The following FRMD4B variants were observed in gnomAD, a reference collection of about 807,000 sequenced individuals.
FRMD4B encodes the protein FERM domain containing 4B, also known as FERM domain-containing protein 4B.
FRMD4B carries 74 observed loss-of-function variants against 141.5 expected under a neutral mutation model. The observed-to-expected ratio is 0.52, with a 90% CI of 0.43 to 0.63. The LOEUF is 0.63. FRMD4B is among the 30% of genes least tolerant of loss of function. FRMD4B has a pLI of 0.00. For synonymous variants in FRMD4B, 506 were observed against 467.9 expected (o/e 1.08, Z -1.05); for missense variants, 1,366 against 1,253.4 (o/e 1.09, Z -1.36).
At chr3:69,460,059 TTC>T (rs760768411) in intron 1 of FRMD4B, among the ~76,000 whole-genome samples, 17 of 152,308 alleles carry the variant, frequency 1.1e-4, no homozygotes, top group Middle Eastern at 3.4e-3. Context: ...GAATAAATGA[TTC>T]TCTGTCAGCA....
At chr3:69,476,366 G>C (rs187318096) in intron 1 of FRMD4B, among the ~76,000 whole-genome samples, 1 of 152,210 alleles carries the variant, frequency 6.6e-6, no homozygotes, top group East Asian at 1.9e-4. Context: ...ATTCCATCTT[G>C]AATTAATTTT....
chr3:69,215,282 C>CTTTTTTTTTTTTTTT lies in FRMD4B; in HGVS notation c.876+980_876+981insAAAAAAAAAAAAAAA, dbSNP rs1559724064. ...AATCCAAATCTGATAGATTGTGACC[C>CTTTTTTTTTTTTTTT]TCTTTTTTTTTTTTTTTTTTTTTTT... is the stretch of plus-strand genomic sequence containing the variant. On this transcript the variant is annotated intron_variant, in intron 11 of 22. Transcript: ENST00000398540. Among the ~76,000 whole-genome samples, 19 of 37,488 alleles carry CTTTTTTTTTTTTTTT rather than the reference C, an allele frequency of 5.1e-4. No homozygotes were observed. In the East Asian group the frequency reaches 5.5e-3, roughly 11 times the overall value. The allele number at this position is 37,488 out of a possible 152,430, so 24.6% of individuals were successfully genotyped here. A position where few individuals can be genotyped will look rare whatever the true frequency, so the allele number is the denominator to read the frequency against.
chr3:69,513,855 C>T (rs963636319), intron 1 of FRMD4B, among the ~76,000 whole-genome samples: 4 of 152,020 alleles, frequency 2.6e-5, no homozygotes, highest in Non-Finnish European at 5.9e-5. Context: ...AGATTAAACA[C>T]CCTTTTATGA....
chr3:69,527,582 A>G (rs1036818110), intron 1 of FRMD4B, among the ~76,000 whole-genome samples: 2 of 152,216 alleles, frequency 1.3e-5, no homozygotes, highest in South Asian at 4.1e-4. Flanking sequence ...TTCCACCTTT[A>G]TATTTGGGAT....
chr3:69,215,282 C>CTTTGTTTTTTTT (rs1559724064), intron 11 of FRMD4B, among the ~76,000 whole-genome samples: 3 of 37,472 alleles, frequency 8.0e-5, no homozygotes, highest in Admixed American at 3.7e-4. Context: ...GATTGTGACC[C>CTTTGTTTTTTTT]TCTTTTTTTT....
intron 1 of FRMD4B, among the ~76,000 whole-genome samples, chr3:69,505,402 G>T (rs1472474075): frequency 6.6e-6 from 1 of 151,486 alleles, no homozygotes; most frequent in South Asian, 2.1e-4. Flanking sequence ...AAAAGAAAAA[G>T]GAAACAAAAG....
At position 69,353,768 on chromosome 3, in the gene FRMD4B, T is replaced by G. The variant is rs61048195; in HGVS notation, c.162+32060A>C. On this transcript the variant is annotated intron_variant, in intron 1 of 22. Transcript: ENST00000398540. ...ATCTCAAGGAAATGACCATACTGTTTGTTTCTTTGATTAGAAACAAAAGCC... is the reference window on the plus strand; with the variant it reads ...ATCTCAAGGAAATGACCATACTGTTGGTTTCTTTGATTAGAAACAAAAGCC... The G allele has an allele frequency of 4.3e-6, 4 of 937,570 alleles. No individual in the cohort carries two copies. The African/African-American group carries it at 7.1e-5, about 17-fold the overall frequency. The allele number at this position is 937,570 out of a possible 1,614,324, so 58.1% of individuals were successfully genotyped here.
chr3:69,284,993 C>T (rs1700624982), intron 5 of FRMD4B, among the ~76,000 whole-genome samples: 1 of 151,950 alleles, frequency 6.6e-6, no homozygotes, highest in South Asian at 2.1e-4. Context: ...GAAACACCAT[C>T]TCTACTAAAA....
At chr3:69,505,515 A>G (rs1400823082) in intron 1 of FRMD4B, among the ~76,000 whole-genome samples, 1 of 152,246 alleles carries the variant, frequency 6.6e-6, no homozygotes. Flanking sequence ...TGTAAGTGGC[A>G]GATAGTCTCT....
intron 4 of FRMD4B, among the ~76,000 whole-genome samples, chr3:69,300,652 A>T (rs1445908797): frequency 1.3e-5 from 2 of 152,240 alleles, no homozygotes; most frequent in African/African-American, 4.8e-5. Context: ...GCTTTCATTG[A>T]GTAGGGAACA....
chr3:69,313,316 T>C, intron 2 of FRMD4B, 136 bp downstream of exon 2: 1 of 717,996 alleles, frequency 1.4e-6, no homozygotes, highest in South Asian at 1.5e-5. Context: ...GTCATTGGCT[T>C]TGAGGCAAAG....
intron 1 of FRMD4B, among the ~76,000 whole-genome samples, chr3:69,438,592 G>A (rs1339434700): frequency 1.3e-5 from 2 of 152,166 alleles, no homozygotes; most frequent in African/African-American, 4.8e-5. Context: ...ATACTTGGAA[G>A]GCAGAGGATG....
intron 1 of FRMD4B, among the ~76,000 whole-genome samples, chr3:69,487,807 G>T (rs926652151): frequency 2.0e-5 from 3 of 152,134 alleles, no homozygotes; most frequent in Non-Finnish European, 4.4e-5. Context: ...CACGGAGAGA[G>T]GAAGCATGAA....
chr3:69,455,958 G>A (rs1705600736), intron 1 of FRMD4B, among the ~76,000 whole-genome samples: 1 of 152,142 alleles, frequency 6.6e-6, no homozygotes, highest in African/African-American at 2.4e-5. Flanking sequence ...GCTTAAATCA[G>A]AACCACTTGC....
intron 1 of FRMD4B, among the ~76,000 whole-genome samples, chr3:69,482,139 C>G (rs1036010262): frequency 6.6e-6 from 1 of 152,192 alleles, no homozygotes; most frequent in African/African-American, 2.4e-5. Flanking sequence ...ATTAGCTTTG[C>G]TCATGCAAAA....
chr3:69,273,205 G>GTA (rs2093603438), intron 5 of FRMD4B, among the ~76,000 whole-genome samples: 1 of 152,182 alleles, frequency 6.6e-6, no homozygotes, highest in Non-Finnish European at 1.5e-5. Context: ...CCTCAATGTA[G>GTA]TATATGCTCA....
intron 1 of FRMD4B, among the ~76,000 whole-genome samples, chr3:69,534,381 A>G (rs1414745153): frequency 2.6e-5 from 4 of 152,222 alleles, no homozygotes; most frequent in Non-Finnish European, 5.9e-5. Flanking sequence ...ATAGTCAATA[A>G]GGTAAAATGT....
chr3:69,197,728 A>C (rs970506633), intron 12 of FRMD4B: 1 of 152,136 alleles, frequency 6.6e-6, no homozygotes. Flanking sequence ...CTTTGTAGGA[A>C]TTTGGCTTAT....
chr3:69,301,785 T>A (rs1349138999), intron 4 of FRMD4B, among the ~76,000 whole-genome samples: 1 of 152,226 alleles, frequency 6.6e-6, no homozygotes, highest in Non-Finnish European at 1.5e-5. Context: ...AGAGAACAAG[T>A]CAAGGACTCT....
Sources: gnomAD v4.1 joint callset for allele counts (sites outside exome capture counted in the v4.1 genomes callset) on GRCh38, gnomAD v4.1.1 for gene constraint, MANE v1.5 for transcripts, NCBI Gene and HGNC (gene_info 2026-07-23, HGNC 2026-07-21) for gene names.